KIAA0753: variants seen among roughly 807,000 people sequenced by gnomAD.
KIAA0753 encodes the protein protein moonraker.
A neutral mutation model predicts 116.9 loss-of-function variants in KIAA0753; 114 were observed. That is an observed-to-expected ratio of 0.98 (90% CI 0.84 to 1.14). The LOEUF is 1.14. Ranked by LOEUF, KIAA0753 falls within the 50% of genes most tolerant of loss-of-function variation. The pLI is 0.00. For missense variants in KIAA0753, 1,156 were observed against 1,172.4 expected, an observed-to-expected ratio of 0.99 and a Z score of 0.20; for synonymous variants, 405 against 413.1, an observed-to-expected ratio of 0.98 and a Z score of 0.24.
chr17:6,592,712 C>T (rs1398203761), intron 16 of KIAA0753, among the ~76,000 whole-genome samples: 2 of 152,054 alleles, frequency 1.3e-5, no homozygotes, highest in Admixed American at 1.3e-4. Context: ...AACCATAAAG[C>T]CTATAGAAGA....
chr17:6,607,340 G>C, intron 10 of KIAA0753, 70 bp from the exon 11 acceptor site: 4 of 1,282,626 alleles, frequency 3.1e-6, no homozygotes, highest in Non-Finnish European at 4.5e-6. Context: ...CACAGAAACA[G>C]ACCAGAAATC....
chr17:6,606,549 A>G (rs1017516737), intron 12 of KIAA0753, among the ~76,000 whole-genome samples: 5 of 152,208 alleles, frequency 3.3e-5, no homozygotes, highest in African/African-American at 1.2e-4. Flanking sequence ...TGTGCATCAT[A>G]CTCATCTTCT....
intron 14 of KIAA0753, among the ~76,000 whole-genome samples, chr17:6,598,899 G>A (rs577203304): frequency 6.6e-6 from 1 of 152,302 alleles, no homozygotes; most frequent in East Asian, 1.9e-4. Flanking sequence ...AAACTAGGCT[G>A]AATGAAAGGA....
intron 2 of KIAA0753, among the ~76,000 whole-genome samples, chr17:6,630,865 A>G (rs1971983815): frequency 6.6e-6 from 1 of 152,232 alleles, no homozygotes; most frequent in Non-Finnish European, 1.5e-5. Flanking sequence ...CCCTTCATAT[A>G]AGAAAAGAAG....
intron 5 of KIAA0753, 117 bp downstream of exon 5, chr17:6,623,392 C>G (rs1029771767): frequency 3.3e-5 from 27 of 817,344 alleles, no homozygotes; most frequent in Non-Finnish European, 1.7e-5. Context: ...CCCTCACTAA[C>G]AGGTTTCTGC....
chr17:6,597,484 T>A (rs1969563643), intron 14 of KIAA0753, among the ~76,000 whole-genome samples: 1 of 152,172 alleles, frequency 6.6e-6, no homozygotes, highest in East Asian at 1.9e-4. Flanking sequence ...CACAAAAATA[T>A]ATTATAAATA....
chr17:6,639,021 C>T lies in KIAA0753; in HGVS notation c.-69+1616G>A, dbSNP rs1972500773. Reference sequence around the variant, plus strand: ...ACACAGGCTGTCCCCTTTCCCTGAACCCTGGGTCACCTCCACATCTAGTTT... The same window carrying T: ...ACACAGGCTGTCCCCTTTCCCTGAATCCTGGGTCACCTCCACATCTAGTTT... On this transcript the variant is annotated intron_variant, in intron 1 of 18. Transcript: ENST00000361413. The surrounding 1 kb of genome is among the most constrained non-coding windows in gnomAD (Gnocchi z 4.3). 1 of 153,140 alleles carries T rather than the reference C, an allele frequency of 6.5e-6. No individual in the cohort carries two copies. The highest frequency in any genetic ancestry group is 1.5e-5 in the Non-Finnish European group (1 of 68,910). 9.5% of individuals were successfully genotyped at this position (153,140 alleles called of 1,614,324 possible).
chr17:6,612,434 C>T (rs1290211113), intron 7 of KIAA0753, among the ~76,000 whole-genome samples: 1 of 152,248 alleles, frequency 6.6e-6, no homozygotes, highest in Non-Finnish European at 1.5e-5. Context: ...TATCTCTGCC[C>T]TTCCTTCCCT....
intron 16 of KIAA0753, 58 bp from the exon 17 acceptor site, chr17:6,590,688 G>T: frequency 6.2e-7 from 1 of 1,600,232 alleles, no homozygotes; most frequent in South Asian, 1.1e-5. Flanking sequence ...GTCCATTTTA[G>T]AGCTGTTCTA....
intron 18 of KIAA0753, among the ~76,000 whole-genome samples, chr17:6,587,137 C>T (rs1968636409): frequency 6.6e-6 from 1 of 152,102 alleles, no homozygotes; most frequent in Non-Finnish European, 1.5e-5. Flanking sequence ...GAGGCTGAGG[C>T]AGGAGAATCA....
intron 3 of KIAA0753, among the ~76,000 whole-genome samples, chr17:6,627,775 G>A (rs1567584947): frequency 6.6e-6 from 1 of 152,298 alleles, no homozygotes; most frequent in African/African-American, 2.4e-5. Context: ...TCCCAGAAGA[G>A]GGAAAACATT....
chr17:6,623,006 T>C lies in KIAA0753; in HGVS notation c.980A>G (p.His327Arg). The stretch of plus-strand genomic sequence containing the variant: ...TTCCTTACACCGAGCAGGAAGTGGA[T>C]GCTCCCCTCGGTCAGTAAACTGAGT... ...FVTQFTDRGE[H>R]PLPARCKELG... Residue 327 changes from histidine to arginine, a missense_variant, in exon 6 of 19, where the codon CAT (histidine) becomes CGT (arginine). By Grantham distance (29) the His-to-Arg change is conservative. Coordinates refer to ENST00000361413, the MANE Select transcript of KIAA0753 (RefSeq NM_014804.3). 1 of 1,614,192 alleles carries C rather than the reference T, an allele frequency of 6.2e-7. No homozygotes were observed.
At position 6,623,052 on chromosome 17, in the gene KIAA0753, G is replaced by A. The variant is rs199499810; in HGVS notation, c.934C>T (p.Arg312Trp). The change falls in exon 6 of 19, where the codon CGG becomes TGG. Residue 312 changes from arginine (R) to tryptophan (W), a missense_variant. Coordinates refer to ENST00000361413, the MANE Select transcript of KIAA0753 (RefSeq NM_014804.3). ...TGAGTGACAAACATCTGTAAGGCCC[G>A]AATGGCTCCTCGATGGGCAGCCGCC... ...KLAAAHRGAIRALQMFVTQFT... is the reference protein window; with the variant it reads ...KLAAAHRGAIWALQMFVTQFT... 16 of 1,614,024 alleles carry A rather than the reference G, an allele frequency of 9.9e-6. No homozygotes were observed. The highest frequency in any genetic ancestry group is 5.3e-5 in the African/African-American group (4 of 75,044).
In KIAA0753 at chr17:6,639,389, T is replaced by C. The variant is rs1049821313; in HGVS notation, c.-69+1248A>G. ...CACCCCACGGTCCCAGGCTCGCCCA[T>C]AGTCTGTTCTTTTTCACAAGGGCCT... On this transcript the variant is annotated intron_variant, in intron 1 of 18. Transcript: ENST00000361413. This position sits in a 1 kb window ranked among gnomAD's most constrained non-coding sequence, Gnocchi z 4.3. 2.0e-5 allele frequency: 3 copies of C among 152,110 alleles called. No homozygotes were observed. The highest frequency in any genetic ancestry group is 2.9e-5 in the Non-Finnish European group (2 of 68,220). The allele number at this position is 152,110 out of a possible 1,614,324, so 9.4% of individuals were successfully genotyped here.
At chr17:6,606,101 G>A (rs934217070) in intron 12 of KIAA0753, among the ~76,000 whole-genome samples, 2 of 152,138 alleles carry the variant, frequency 1.3e-5, no homozygotes, top group Non-Finnish European at 2.9e-5. Flanking sequence ...GTTCCTTGGT[G>A]GAGATAGTAG....
Position 6,596,142 on chromosome 17 carries a change from G to C in KIAA0753, c.2358+16C>G, listed in dbSNP as rs948525895. 3.1e-6 allele frequency: 5 copies of C among 1,608,626 alleles called. No individual in the cohort carries two copies. The East Asian group carries it at 1.1e-4, about 36-fold the overall frequency. ...AGCCCCTAGCAGCGAACCAGACCCG[G>C]AGCCCCAGACCTTACTTCCATCTCT... On this transcript the variant is annotated intron_variant, in intron 15 of 18. Coordinates refer to ENST00000361413, the MANE Select transcript of KIAA0753 (RefSeq NM_014804.3).
At chr17:6,595,731 T>C (rs1969420204) in intron 15 of KIAA0753, among the ~76,000 whole-genome samples, 1 of 152,084 alleles carries the variant, frequency 6.6e-6, no homozygotes, top group African/African-American at 2.4e-5. Context: ...ATCACAGAAA[T>C]TGAAGAAGAT....
At chr17:6,632,194 G>A (rs554235166) in intron 2 of KIAA0753, among the ~76,000 whole-genome samples, 19 of 152,196 alleles carry the variant, frequency 1.2e-4, no homozygotes, top group South Asian at 1.2e-3. Flanking sequence ...GAGCCACAAC[G>A]CCCAGCCTTG....
At chr17:6,619,277 C>T (rs1971140395) in intron 7 of KIAA0753, among the ~76,000 whole-genome samples, 1 of 151,706 alleles carries the variant, frequency 6.6e-6, no homozygotes, top group Admixed American at 6.6e-5. Flanking sequence ...AGAAGATAAA[C>T]ATTGGAAGGG....
Sources: allele counts gnomAD v4.1 joint callset (sites outside exome capture counted in the v4.1 genomes callset), GRCh38; gene constraint gnomAD v4.1.1; non-coding constraint Gnocchi (gnomAD v3.1); transcripts MANE v1.5; gene names NCBI Gene and HGNC (gene_info 2026-07-23, HGNC 2026-07-21).